NCOR1: variants seen among roughly 807,000 people sequenced by gnomAD.
NCOR1 encodes nuclear receptor corepressor 1, also known as protein phosphatase 1, regulatory subunit 109.
A neutral mutation model predicts 288.1 loss-of-function variants in NCOR1; 63 were observed. That is an observed-to-expected ratio of 0.22 (90% confidence interval 0.18 to 0.27). The LOEUF (loss-of-function observed/expected upper bound fraction) is 0.27, where lower values mean the gene tolerates loss of function less well. Among genes scored for constraint, NCOR1 ranks in the 10% least tolerant of loss-of-function variants. The pLI is 1.00. For missense variants in NCOR1, 2,397 were observed against 3,019.2 expected (o/e 0.79, Z 4.83); for synonymous variants, 1,007 against 1,065.9 (o/e 0.94, Z 1.08).
intron 1 of NCOR1, among the ~76,000 whole-genome samples, chr17:16,197,065 T>C (rs1478017938): frequency 6.6e-6 from 1 of 151,664 alleles, no homozygotes; most frequent in Non-Finnish European, 1.5e-5. Flanking sequence ...CCGGGCGCGG[T>C]GGCTCACGCA....
At chr17:16,049,945 C>T (rs1285161234) in intron 40 of NCOR1, among the ~76,000 whole-genome samples, 1 of 152,080 alleles carries the variant, frequency 6.6e-6, no homozygotes, top group Non-Finnish European at 1.5e-5. Flanking sequence ...GGCAGGAGTA[C>T]AGGAGTGCAA....
At chr17:16,107,768 T>A (rs2069089657) in intron 19 of NCOR1, among the ~76,000 whole-genome samples, 1 of 152,156 alleles carries the variant, frequency 6.6e-6, no homozygotes, top group African/African-American at 2.4e-5. Flanking sequence ...TACCCTCGGG[T>A]GGGACTTCTC....
intron 1 of NCOR1, among the ~76,000 whole-genome samples, chr17:16,200,332 C>A (rs1324059373): frequency 6.6e-6 from 1 of 151,144 alleles, no homozygotes; most frequent in Admixed American, 6.6e-5. Flanking sequence ...CTAAAACACA[C>A]CCACAAAAAA....
chr17:16,121,104 G>T lies in NCOR1; in HGVS notation c.1800C>A (p.Ala600=). ...TNEAAAASAA[A]AAATEEPPPP... is the part of the protein sequence containing the mutation. ...GTGGGGGCTCTTCAGTAGCCGCTGC[G>T]GCTGCAGCACTGGCAGCTGCAGCTT... The change falls in exon 16 of 46, where the codon GCC becomes GCA. Residue 600 remains alanine, a synonymous_variant. Coordinates refer to ENST00000268712, the MANE Select transcript of NCOR1 (RefSeq NM_006311.4). 6.2e-7 allele frequency: 1 copy of T among 1,614,050 alleles called. No homozygotes were observed.
At chr17:16,161,513 C>G (rs1457142207) in intron 5 of NCOR1, among the ~76,000 whole-genome samples, 1 of 152,160 alleles carries the variant, frequency 6.6e-6, no homozygotes, top group Non-Finnish European at 1.5e-5. Flanking sequence ...CCAGGCTGGT[C>G]TGGAACTCCT....
intron 22 of NCOR1, chr17:16,091,657 T>C (rs1567948847): frequency 1.4e-6 from 2 of 1,391,860 alleles, no homozygotes; most frequent in Non-Finnish European, 1.9e-6. Context: ...AGAATGCTAT[T>C]AAAAATGTTA....
chr17:16,082,821 T>C (rs2063602146), intron 23 of NCOR1, among the ~76,000 whole-genome samples: 1 of 129,184 alleles, frequency 7.7e-6, no homozygotes, highest in African/African-American at 3.0e-5. Flanking sequence ...AAATAGAAAT[T>C]CTGGAGCTAA....
intron 1 of NCOR1, among the ~76,000 whole-genome samples, chr17:16,214,949 T>C (rs779093608): frequency 4.6e-5 from 7 of 152,208 alleles, no homozygotes; most frequent in Non-Finnish European, 7.3e-5. Flanking sequence ...CAGCCCCTTC[T>C]ACACTTCCAA....
intron 4 of NCOR1, among the ~76,000 whole-genome samples, chr17:16,167,140 G>C (rs1271260475): frequency 6.6e-6 from 1 of 152,172 alleles, no homozygotes; most frequent in South Asian, 2.1e-4. Flanking sequence ...CTTCAAAAGT[G>C]CTCCTCAGGT....
chr17:16,158,912 A>AC (rs1258105005), intron 5 of NCOR1, 39 bp from the exon 6 acceptor site: 17 of 1,414,478 alleles, frequency 1.2e-5, no homozygotes, highest in South Asian at 4.6e-5. Flanking sequence ...CATGTGCTGC[A>AC]CACCACACCC....
At chr17:16,112,385 T>C (rs1297093513) in intron 18 of NCOR1, among the ~76,000 whole-genome samples, 2 of 152,240 alleles carry the variant, frequency 1.3e-5, no homozygotes, top group Non-Finnish European at 2.9e-5. Flanking sequence ...ATACTTTGTA[T>C]ACTCTTAATA....
chr17:16,164,807 A>C, intron 5 of NCOR1, 172 bp downstream of exon 5: 1 of 497,852 alleles, frequency 2.0e-6, no homozygotes, highest in Non-Finnish European at 3.5e-6. Flanking sequence ...ACAGTGCAGC[A>C]AGGAAAATGA....
At chr17:16,062,386 CAAGAT>C (rs1258286656) in intron 35 of NCOR1, 116 bp from the exon 36 acceptor site, 6 of 278,882 alleles carry the variant, frequency 2.2e-5, no homozygotes, top group African/African-American at 7.6e-5. Flanking sequence ...AAAAGAAAAA[CAAGAT>C]AAGAAACTTG....
At chr17:16,189,777 C>T (rs990458934) in intron 2 of NCOR1, among the ~76,000 whole-genome samples, 1 of 152,046 alleles carries the variant, frequency 6.6e-6, no homozygotes, top group African/African-American at 2.4e-5. Context: ...TAAAGTGAAA[C>T]TTTATTATAA....
intron 5 of NCOR1, among the ~76,000 whole-genome samples, chr17:16,162,818 C>T (rs1399353072): frequency 6.6e-6 from 1 of 151,854 alleles, no homozygotes; most frequent in Admixed American, 6.6e-5. Flanking sequence ...ACTTGAGTTG[C>T]GAGAAGAAAT....
chr17:16,073,887 G>A (rs1347202642), intron 27 of NCOR1, among the ~76,000 whole-genome samples: 1 of 152,204 alleles, frequency 6.6e-6, no homozygotes, highest in African/African-American at 2.4e-5. Context: ...AGTATAATGT[G>A]CTATGAAAAT....
intron 35 of NCOR1, among the ~76,000 whole-genome samples, chr17:16,063,622 C>T (rs568294735): frequency 2.6e-5 from 4 of 152,314 alleles, no homozygotes; most frequent in South Asian, 2.1e-4. Flanking sequence ...CTATTCCACT[C>T]GTGTAAATGT....
chr17:16,041,318 C>T (rs1449379861), intron 42 of NCOR1: 1 of 151,354 alleles, frequency 6.6e-6, no homozygotes, highest in African/African-American at 2.4e-5. Flanking sequence ...TCATTCCCAA[C>T]TTGACGCTAA....
At chr17:16,203,239 A>G (rs982027543) in intron 1 of NCOR1, among the ~76,000 whole-genome samples, 1 of 152,166 alleles carries the variant, frequency 6.6e-6, no homozygotes, top group African/African-American at 2.4e-5. Flanking sequence ...CAGATTCCCC[A>G]AGGATTTCCT....
Sources: allele counts gnomAD v4.1 joint callset (sites outside exome capture counted in the v4.1 genomes callset), GRCh38; gene constraint gnomAD v4.1.1; transcripts MANE v1.5; gene names NCBI Gene and HGNC (gene_info 2026-07-23, HGNC 2026-07-21).